Variants in CARHSP1 observed in about 807,000 individuals in gnomAD.
CARHSP1 encodes the protein calcium regulated heat stable protein 1.
CARHSP1 carries 14 observed loss-of-function variants against 12.5 expected under a neutral mutation model. The observed-to-expected ratio is 1.12, with a 90% CI of 0.74 to 1.75. The LOEUF is 1.75. Among genes scored for constraint, CARHSP1 ranks in the 40% most tolerant of loss-of-function variants. The pLI, the probability that CARHSP1 is intolerant of heterozygous loss-of-function variation, is 0.00. For synonymous variants in CARHSP1, 161 were observed against 82.0 expected, an observed-to-expected ratio of 1.96 and a Z score of -5.20; for missense variants, 343 against 201.6, an observed-to-expected ratio of 1.70 and a Z score of -4.25.
chr16:8,855,519 A>C (rs2061071981), intron 3 of CARHSP1, among the ~76,000 whole-genome samples, 193 bp from the exon 4 acceptor site: 1 of 152,120 alleles, frequency 6.6e-6, no homozygotes, highest in Non-Finnish European at 1.5e-5. Context: ...TGTCCTAGGC[A>C]AGGAGGCCCT....
At chr16:8,856,610 A>C (rs74521000) in intron 3 of CARHSP1, among the ~76,000 whole-genome samples, 1,784 of 140,568 alleles carry the variant, frequency 0.013, 34 homozygotes, top group African/African-American at 0.041. Flanking sequence ...CCGATCTGAT[A>C]GGTAAGCATG....
chr16:8,866,477 T>C, intron 1 of CARHSP1: 2 of 985,336 alleles, frequency 2.0e-6, no homozygotes, highest in Non-Finnish European at 2.4e-6. Context: ...AGCTGACCCA[T>C]CCCAGTCTCC....
At chr16:8,868,849 A>G (rs1370592604) in intron 1 of CARHSP1, 117 bp downstream of exon 1, 2 of 151,822 alleles carry the variant, frequency 1.3e-5, no homozygotes, top group East Asian at 3.9e-4. Context: ...GCCGAGCTAG[A>G]AGACCCTGCA....
At chr16:8,866,731 G>A (rs1596331318) in intron 1 of CARHSP1, among the ~76,000 whole-genome samples, 1 of 150,304 alleles carries the variant, frequency 6.7e-6, no homozygotes, top group Non-Finnish European at 1.5e-5. Flanking sequence ...ATGGGGGTTG[G>A]AGTGTCCAGG....
rs759441526 is a variant in CARHSP1, at chr16:8,859,375, A to C, written c.-7-40T>G. ...GGCTGTCAGGGGCTCGTGCCTTGCAAGGTAGGGACCCTGTGCTTACCCCCA... is the reference window on the plus strand; with the variant it reads ...GGCTGTCAGGGGCTCGTGCCTTGCACGGTAGGGACCCTGTGCTTACCCCCA... On this transcript the variant is annotated intron_variant, in intron 1 of 3. Coordinates refer to ENST00000311052, the MANE Select transcript of CARHSP1 (RefSeq NM_014316.4). 25 of 1,567,426 alleles carry C rather than the reference A, an allele frequency of 1.6e-5. 1 individual carries two copies. In the South Asian group the frequency reaches 2.3e-4, roughly 14 times the overall value.
Position 8,858,659 on chromosome 16 carries a change from C to A in CARHSP1, c.159-187G>T, listed in dbSNP as rs1457493495. The A allele has an allele frequency of 4.9e-5, 34 of 693,390 alleles. 1 individual carries two copies. Among genetic ancestry groups the A allele is most frequent in the Middle Eastern group, 4.2e-4 (1 of 2,404 alleles). 43.0% of individuals were successfully genotyped at this position (693,390 alleles called of 1,614,324 possible). On this transcript the variant is annotated intron_variant, in intron 2 of 3. Transcript: ENST00000311052. The stretch of plus-strand genomic sequence containing the variant: ...CTCACAAAGACGCTGGGGGAAAGGA[C>A]TCTTTGGATGACCCTGGCCAATTTT...
intron 2 of CARHSP1, 85 bp from the exon 3 acceptor site, chr16:8,858,557 C>T: frequency 6.5e-7 from 1 of 1,529,680 alleles, no homozygotes; most frequent in Non-Finnish European, 8.8e-7. Context: ...ACAGCTGTGC[C>T]CCATCAAGCC....
intron 1 of CARHSP1, chr16:8,861,780 C>T (rs913139454): frequency 2.1e-5 from 26 of 1,267,348 alleles, no homozygotes; most frequent in Middle Eastern, 6.7e-4. Context: ...CCCCGCATGA[C>T]CTACCAGCAC....
intron 1 of CARHSP1, chr16:8,860,113 A>C: frequency 1.0e-6 from 1 of 985,002 alleles, no homozygotes; most frequent in South Asian, 4.7e-5. Context: ...ACCCTCACGC[A>C]GTGTCCGCCT....
chr16:8,855,485 A>C (rs924948139), intron 3 of CARHSP1, among the ~76,000 whole-genome samples, 159 bp from the exon 4 acceptor site: 6 of 151,826 alleles, frequency 4.0e-5, no homozygotes, highest in African/African-American at 9.7e-5. Flanking sequence ...CACCAGAGGG[A>C]GCTGCCACAC....
intron 1 of CARHSP1, among the ~76,000 whole-genome samples, chr16:8,864,037 C>T (rs1325041070): frequency 1.3e-5 from 2 of 152,180 alleles, no homozygotes; most frequent in Admixed American, 1.3e-4. Flanking sequence ...AACAGATCCG[C>T]CACTCAGATG....
chr16:8,865,299 G>T (rs534630760), intron 1 of CARHSP1, among the ~76,000 whole-genome samples: 1 of 152,152 alleles, frequency 6.6e-6, no homozygotes, highest in East Asian at 1.9e-4. Context: ...TAGTAGAGAC[G>T]GGGTTTCACC....
intron 1 of CARHSP1, among the ~76,000 whole-genome samples, chr16:8,863,013 C>T (rs900323749): frequency 2.0e-5 from 3 of 150,830 alleles, no homozygotes; most frequent in Admixed American, 6.6e-5. Context: ...GGTGAGGAGT[C>T]TGAGGGCAGC....
chr16:8,855,157 C>G lies in CARHSP1; in HGVS notation c.*7G>C, dbSNP rs2061055632. 3 of 1,570,488 alleles carry G rather than the reference C, an allele frequency of 1.9e-6. No homozygotes were observed. Among genetic ancestry groups the G allele is most frequent in the African/African-American group, 1.4e-5 (1 of 73,614 alleles). The stretch of plus-strand genomic sequence containing the variant: ...AAGCACAGGACAAGGGGTGCTTCCA[C>G]CATCTCCTAGGAGCTGATGACATGT... On this transcript the variant is annotated 3_prime_UTR_variant, in exon 4 of 4. Coordinates refer to ENST00000311052, the MANE Select transcript of CARHSP1 (RefSeq NM_014316.4).
At chr16:8,864,736 G>A (rs2141125249) in intron 1 of CARHSP1, among the ~76,000 whole-genome samples, 1 of 152,298 alleles carries the variant, frequency 6.6e-6, no homozygotes, top group East Asian at 1.9e-4. Flanking sequence ...CAGGGTGGTG[G>A]GGGCAGGAAG....
rs924108539 is a variant in CARHSP1, at chr16:8,858,191, C to A, written c.281+159G>T. On this transcript the variant is annotated intron_variant, in intron 3 of 3. Coordinates refer to ENST00000311052, the MANE Select transcript of CARHSP1 (RefSeq NM_014316.4). ...TCACAACCCCAACCCAACACACACA[C>A]AGGAGCACAGCTGGAGCACCAGCCA... 5.9e-6 allele frequency: 5 copies of A among 851,032 alleles called. No individual in the cohort carries two copies. The South Asian group carries it at 8.8e-5, about 15-fold the overall frequency. The allele number at this position is 851,032 out of a possible 1,614,324, so 52.7% of individuals were successfully genotyped here. A position where few individuals can be genotyped will look rare whatever the true frequency, so the allele number is the denominator to read the frequency against.
chr16:8,858,510 G>A (rs368426129), intron 2 of CARHSP1, 38 bp from the exon 3 acceptor site: 64 of 1,605,548 alleles, frequency 4.0e-5, no homozygotes, highest in Middle Eastern at 1.8e-4. Context: ...CCCCATCAGC[G>A]CTCCTGGGCA....
intron 1 of CARHSP1, among the ~76,000 whole-genome samples, chr16:8,862,660 G>A (rs948368363): frequency 4.6e-5 from 7 of 152,180 alleles, no homozygotes; most frequent in Non-Finnish European, 1.0e-4. Flanking sequence ...GAGGGAGGCT[G>A]TTCCAGGTAT....
At chr16:8,858,843 C>A in intron 2 of CARHSP1, 1 of 411,436 alleles carries the variant, frequency 2.4e-6, no homozygotes, top group Non-Finnish European at 4.4e-6. Context: ...CTTTGCAGCC[C>A]TGGTGCTGTG....
Sources: allele counts gnomAD v4.1 joint callset (sites outside exome capture counted in the v4.1 genomes callset), GRCh38; gene constraint gnomAD v4.1.1; transcripts MANE v1.5; gene names NCBI Gene and HGNC (gene_info 2026-07-23, HGNC 2026-07-21).